The following TMEM117 variants were observed in gnomAD, a reference collection of about 807,000 sequenced individuals.
The protein encoded by TMEM117 is transmembrane protein 117.
Under a neutral mutation model 52.4 loss-of-function variants are expected in TMEM117, and 27 were observed. That is an observed-to-expected ratio of 0.51 (90% CI 0.38 to 0.71). TMEM117 has a LOEUF of 0.71. TMEM117 is among the 30% of genes least tolerant of loss of function. The pLI is 0.00. For missense variants in TMEM117, 556 were observed against 630.5 expected (o/e 0.88, Z 1.26); for synonymous variants, 215 against 206.3 (o/e 1.04, Z -0.36).
chr12:44,203,945 A>G (rs1949530797), intron 4 of TMEM117, among the ~76,000 whole-genome samples: 1 of 152,208 alleles, frequency 6.6e-6, no homozygotes, highest in Non-Finnish European at 1.5e-5. Flanking sequence ...CATCTATGGC[A>G]AACCCACAGC....
At chr12:44,340,215 C>T (rs532397587) in intron 6 of TMEM117, among the ~76,000 whole-genome samples, 1 of 151,994 alleles carries the variant, frequency 6.6e-6, no homozygotes, top group South Asian at 2.1e-4. Flanking sequence ...CTCCTTACAC[C>T]AAAGGAATAA....
At chr12:43,954,936 C>T (rs1490819706) in intron 3 of TMEM117, among the ~76,000 whole-genome samples, 3 of 152,174 alleles carry the variant, frequency 2.0e-5, no homozygotes, top group African/African-American at 7.2e-5. Context: ...GCTTATCCAC[C>T]ACGATCAAGT....
intron 3 of TMEM117, among the ~76,000 whole-genome samples, chr12:44,139,964 G>T (rs1471822444): frequency 6.6e-6 from 1 of 152,088 alleles, no homozygotes; most frequent in Non-Finnish European, 1.5e-5. Flanking sequence ...AAATTTTTAT[G>T]ACAGGTCTGC....
At chr12:43,846,668 G>T (rs1943214355) in intron 2 of TMEM117, among the ~76,000 whole-genome samples, 1 of 152,104 alleles carries the variant, frequency 6.6e-6, no homozygotes, top group East Asian at 1.9e-4. Context: ...TACTCTGTAT[G>T]CAATGGGGGA....
At chr12:44,037,816 C>T (rs1946734087) in intron 3 of TMEM117, among the ~76,000 whole-genome samples, 1 of 151,960 alleles carries the variant, frequency 6.6e-6, no homozygotes, top group African/African-American at 2.4e-5. Flanking sequence ...TCAGGACTAC[C>T]AGCTGCAGAG....
chr12:44,005,946 T>G (rs1946187656), intron 3 of TMEM117, among the ~76,000 whole-genome samples: 1 of 152,242 alleles, frequency 6.6e-6, no homozygotes, highest in African/African-American at 2.4e-5. Flanking sequence ...TCTGCCATGA[T>G]TGTGAGGCAT....
At chr12:44,300,510 C>A (rs1443422081) in intron 6 of TMEM117, among the ~76,000 whole-genome samples, 1 of 152,162 alleles carries the variant, frequency 6.6e-6, no homozygotes, top group Non-Finnish European at 1.5e-5. Flanking sequence ...AAGGAATACT[C>A]CACTGTATTC....
At chr12:43,805,058 A>G in the TMEM117 span, among the ~76,000 whole-genome samples, 1 of 152,252 alleles carries the variant, frequency 6.6e-6, no homozygotes, top group Non-Finnish European at 1.5e-5. Context: ...AAATGCATTC[A>G]GTCTTAACTC....
intron 3 of TMEM117, among the ~76,000 whole-genome samples, chr12:44,057,399 T>C (rs1273194598): frequency 1.3e-5 from 2 of 152,046 alleles, no homozygotes; most frequent in African/African-American, 4.8e-5. Flanking sequence ...ATAAATGCTA[T>C]GAGGAGATAG....
chr12:43,994,280 G>C (rs575213097), intron 3 of TMEM117, among the ~76,000 whole-genome samples: 2 of 152,310 alleles, frequency 1.3e-5, no homozygotes, highest in South Asian at 4.1e-4. Flanking sequence ...AAGGCAGTAA[G>C]CTACATCTCT....
At chr12:43,946,968 G>T (rs1234569938) in intron 3 of TMEM117, among the ~76,000 whole-genome samples, 3 of 152,184 alleles carry the variant, frequency 2.0e-5, no homozygotes, top group Middle Eastern at 3.2e-3. Context: ...ATCGTTTACT[G>T]AGAGGATATA....
At chr12:44,031,788 G>A (rs1419475423) in intron 3 of TMEM117, among the ~76,000 whole-genome samples, 1 of 152,168 alleles carries the variant, frequency 6.6e-6, no homozygotes, top group Non-Finnish European at 1.5e-5. Context: ...TTATGGCAAT[G>A]TAGTTATTTG....
downstream of TMEM117, among the ~76,000 whole-genome samples, chr12:44,393,196 C>T (rs76262784): frequency 0.012 from 1,834 of 152,078 alleles, 39 homozygotes; most frequent in African/African-American, 0.042. Context: ...TATCTACCTC[C>T]AACATAAGCT....
the TMEM117 span, chr12:43,806,415 G>A: frequency 3.5e-6 from 4 of 1,151,298 alleles, no homozygotes; most frequent in African/African-American, 3.3e-5. Context: ...CCGCCGCCCC[G>A]CCGCCCTTCC....
intron 5 of TMEM117, among the ~76,000 whole-genome samples, chr12:44,266,871 CT>C (rs1950384419): frequency 6.6e-6 from 1 of 152,082 alleles, no homozygotes; most frequent in Admixed American, 6.5e-5. Flanking sequence ...AAAGATTATT[CT>C]TTTCCCCATT....
At chr12:44,076,840 A>G (rs530365104) in intron 3 of TMEM117, among the ~76,000 whole-genome samples, 1 of 152,322 alleles carries the variant, frequency 6.6e-6, no homozygotes, top group South Asian at 2.1e-4. Context: ...GATGGAAGAT[A>G]TGAAAAAATC....
chr12:43,868,975 G>T (rs1265713316), intron 2 of TMEM117, among the ~76,000 whole-genome samples: 2 of 151,886 alleles, frequency 1.3e-5, no homozygotes, highest in African/African-American at 4.8e-5. Context: ...AGCAAAGAGA[G>T]AAAACACAAA....
chr12:44,225,170 C>T (rs1949844786), intron 5 of TMEM117, among the ~76,000 whole-genome samples: 1 of 152,128 alleles, frequency 6.6e-6, no homozygotes, highest in East Asian at 1.9e-4. Flanking sequence ...ACTTAGTATA[C>T]TTTATTCAGT....
intron 6 of TMEM117, among the ~76,000 whole-genome samples, chr12:44,316,119 A>G (rs1951051058): frequency 6.6e-6 from 1 of 152,126 alleles, no homozygotes; most frequent in African/African-American, 2.4e-5. Context: ...GAAATTATTA[A>G]CTGGTTGCTT....
Sources: allele counts gnomAD v4.1 joint callset (sites outside exome capture counted in the v4.1 genomes callset), GRCh38; gene constraint gnomAD v4.1.1; transcripts MANE v1.5; gene names NCBI Gene and HGNC (gene_info 2026-07-23, HGNC 2026-07-21).